The following SMOC1 variants were observed in gnomAD, a reference collection of about 807,000 sequenced individuals.
SMOC1 encodes the protein SPARC related modular calcium binding 1.
SMOC1 carries 22 observed loss-of-function variants against 56.3 expected under a neutral mutation model. The ratio of observed to expected loss-of-function variants is 0.39; its 90% CI spans 0.28 to 0.56. SMOC1 has a LOEUF of 0.56. Ranked by LOEUF, SMOC1 falls within the 20% of genes least tolerant of loss-of-function variation. SMOC1 has a pLI of 0.61. For missense variants in SMOC1, 509 were observed against 565.4 expected (o/e 0.90, Z 1.01); for synonymous variants, 193 against 215.0 (o/e 0.90, Z 0.89).
chr14:70,015,257 G>A (rs1269439794), intron 10 of SMOC1, among the ~76,000 whole-genome samples: 1 of 152,196 alleles, frequency 6.6e-6, no homozygotes, highest in African/African-American at 2.4e-5. Context: ...TAGAAGCAGA[G>A]AGCAGAATGG....
chr14:69,927,366 A>G (rs1348757048), intron 1 of SMOC1, among the ~76,000 whole-genome samples: 1 of 152,128 alleles, frequency 6.6e-6, no homozygotes, highest in Non-Finnish European at 1.5e-5. Context: ...GGGATGGAGG[A>G]TAGGGAGTAG....
chr14:69,995,650 G>A (rs1269797997), intron 7 of SMOC1, among the ~76,000 whole-genome samples: 2 of 152,142 alleles, frequency 1.3e-5, no homozygotes, highest in African/African-American at 4.8e-5. Flanking sequence ...TTCACAAAAT[G>A]GGAATCACAA....
chr14:69,924,020 A>G (rs1380711773), intron 1 of SMOC1, among the ~76,000 whole-genome samples: 3 of 152,228 alleles, frequency 2.0e-5, no homozygotes, highest in Non-Finnish European at 1.5e-5. Context: ...CCAACCAGAA[A>G]AAGGGGATCT....
At chr14:69,955,554 T>C (rs1883152153) in intron 3 of SMOC1, among the ~76,000 whole-genome samples, 1 of 152,098 alleles carries the variant, frequency 6.6e-6, no homozygotes, top group Non-Finnish European at 1.5e-5. Context: ...ATAAAATCAG[T>C]TAACACACAT....
chr14:69,907,827 A>C (rs1884450626), intron 1 of SMOC1, among the ~76,000 whole-genome samples: 1 of 152,200 alleles, frequency 6.6e-6, no homozygotes, highest in Non-Finnish European at 1.5e-5. Flanking sequence ...AAGGTTCCTT[A>C]TAGAGAGCTT....
chr14:69,912,063 A>G (rs547902581), intron 1 of SMOC1, among the ~76,000 whole-genome samples: 1 of 152,270 alleles, frequency 6.6e-6, no homozygotes, highest in South Asian at 2.1e-4. Context: ...TAGCATTCTA[A>G]TAGTATGTGG....
At chr14:69,928,329 T>G (rs1031320694) in intron 1 of SMOC1, among the ~76,000 whole-genome samples, 15 of 152,220 alleles carry the variant, frequency 9.9e-5, no homozygotes, top group African/African-American at 3.4e-4. Flanking sequence ...TTTCCTTGTC[T>G]GAATCAGAGA....
At chr14:69,931,328 C>A (rs574454434) in intron 1 of SMOC1, among the ~76,000 whole-genome samples, 2 of 152,384 alleles carry the variant, frequency 1.3e-5, no homozygotes, top group African/African-American at 4.8e-5. Flanking sequence ...CCGCTCCCTC[C>A]GGGCAGTCTT....
At chr14:69,898,861 T>C (rs778070078) in intron 1 of SMOC1, among the ~76,000 whole-genome samples, 2 of 152,158 alleles carry the variant, frequency 1.3e-5, no homozygotes, top group Non-Finnish European at 2.9e-5. Flanking sequence ...CTTGTAATTT[T>C]TTGTTGAAAG....
chr14:70,029,379 G>A (rs1240662177), intron 11 of SMOC1, among the ~76,000 whole-genome samples: 1 of 152,184 alleles, frequency 6.6e-6, no homozygotes. Flanking sequence ...TTCTGTCCAG[G>A]TACATCAGCA....
At chr14:69,889,607 G>A (rs929184458) in intron 1 of SMOC1, among the ~76,000 whole-genome samples, 17 of 152,204 alleles carry the variant, frequency 1.1e-4, no homozygotes, top group African/African-American at 3.9e-4. Context: ...GGGGAAAATG[G>A]ATGATGTGCC....
chr14:69,899,238 G>A (rs1052137534), intron 1 of SMOC1, among the ~76,000 whole-genome samples: 7 of 152,236 alleles, frequency 4.6e-5, no homozygotes, highest in African/African-American at 1.7e-4. Flanking sequence ...TCTGCCGGAA[G>A]GGTTGGGATC....
At chr14:69,939,775 C>A (rs1882477275) in intron 1 of SMOC1, among the ~76,000 whole-genome samples, 1 of 152,216 alleles carries the variant, frequency 6.6e-6, no homozygotes, top group Non-Finnish European at 1.5e-5. Context: ...AACAGTAACT[C>A]CCCTTAGTCC....
chr14:69,906,760 C>A (rs1884419443), intron 1 of SMOC1, among the ~76,000 whole-genome samples: 2 of 152,138 alleles, frequency 1.3e-5, no homozygotes, highest in South Asian at 4.1e-4. Flanking sequence ...ACTGAATTTG[C>A]CCACTAGGAA....
intron 3 of SMOC1, among the ~76,000 whole-genome samples, chr14:69,961,270 GTGTATATATATATA>G (rs1386903071): frequency 9.0e-4 from 54 of 59,690 alleles, no homozygotes; most frequent in African/African-American, 3.1e-3. Flanking sequence ...ATATTCTATT[GTGTATATATATATA>G]TATATATATA....
intron 1 of SMOC1, among the ~76,000 whole-genome samples, chr14:69,904,914 G>A (rs1244350489): frequency 6.6e-6 from 1 of 152,156 alleles, no homozygotes; most frequent in African/African-American, 2.4e-5. Flanking sequence ...GGATATCACA[G>A]AACACCATCC....
At position 69,977,928 on chromosome 14, in the gene SMOC1, C is replaced by T. The variant is rs1284806110; in HGVS notation, c.489C>T (p.Thr163=). Residue 163 remains threonine (T), a synonymous_variant, in exon 5 of 12, where the codon ACC becomes ACT. Transcript: ENST00000361956. The part of the protein sequence containing the change: ...NKTPVCSGSV[T]DKPLSQGNSG... ...CCCTTCTCACCCAAGGTTCAGTCAC[C>T]GACAAGCCCTTGAGCCAGGGTAACT... The T allele has an allele frequency of 8.7e-6, 14 of 1,613,760 alleles. No homozygotes were observed. Among genetic ancestry groups the T allele is most frequent in the Admixed American group, 6.7e-5 (4 of 59,996 alleles).
In SMOC1 at chr14:69,935,578, G is replaced by A. The variant is rs79684477; in HGVS notation, c.100-16560G>A. Among the ~76,000 whole-genome samples the A allele has an allele frequency of 9.9e-3, 1,507 of 152,298 alleles. 27 individuals are homozygous for A. Among genetic ancestry groups the A allele is most frequent in the African/African-American group, 0.035 (1,453 of 41,534 alleles). On this transcript the variant is annotated intron_variant, in intron 1 of 11. Transcript: ENST00000361956. ...TCTTTAGAGTTGATGTGTTTTTCTG[G>A]ATCAGGTCAGGAACGGAATTGCCTT...
At chr14:70,002,932 C>T (rs1002996575) in intron 7 of SMOC1, among the ~76,000 whole-genome samples, 7 of 152,190 alleles carry the variant, frequency 4.6e-5, no homozygotes, top group African/African-American at 1.7e-4. Context: ...AAGTCAGTTC[C>T]TTACAACCTG....
Sources: allele counts gnomAD v4.1 joint callset (sites outside exome capture counted in the v4.1 genomes callset), GRCh38; gene constraint gnomAD v4.1.1; transcripts MANE v1.5; gene names NCBI Gene and HGNC (gene_info 2026-07-23, HGNC 2026-07-21).